ATG13: variants seen among roughly 807,000 people sequenced by gnomAD.
ATG13 encodes the protein autophagy related 13.
In ATG13, 23 loss-of-function variants were observed where a neutral mutation model predicts 65.5. The observed-to-expected ratio is 0.35, with a 90% CI of 0.25 to 0.50. ATG13 has a LOEUF of 0.50. ATG13 is among the 20% of genes least tolerant of loss of function. ATG13 has a pLI of 0.98. For missense variants in ATG13, 566 were observed against 677.0 expected, an observed-to-expected ratio of 0.84 and a Z score of 1.82; for synonymous variants, 252 against 245.2, an observed-to-expected ratio of 1.03 and a Z score of -0.26.
chr11:46,645,340 C>T lies in ATG13; in HGVS notation c.71C>T (p.Thr24Ile). The T allele has an allele frequency of 1.2e-6, 2 of 1,608,858 alleles. No homozygotes were observed. Among genetic ancestry groups the T allele is most frequent in the Non-Finnish European group, 1.7e-6 (2 of 1,177,886 alleles). The change falls in exon 4 of 19, where the codon ACT (threonine) becomes ATT (isoleucine). Residue 24 changes from threonine (T) to isoleucine (I), a missense_variant and splice_region_variant. Physicochemically the swap from Thr to Ile is moderately conservative, Grantham distance 89. Transcript: ENST00000683050. ...DKFIKFFALKTVQVIVQARLG... is the reference protein window; with the variant it reads ...DKFIKFFALKIVQVIVQARLG... ...CTTTTGTGTTTTTTTTTTCTTTAGA[C>T]TGTCCAAGTGATTGTCCAGGCTCGG...
chr11:46,667,716 A>C, intron 14 of ATG13, 57 bp from the exon 15 acceptor site: 1 of 1,387,630 alleles, frequency 7.2e-7, no homozygotes, highest in Admixed American at 1.8e-5. Flanking sequence ...TTTATAGTGA[A>C]CTAAGTCGTC....
intron 1 of ATG13, chr11:46,618,439 A>G (rs1419300463): frequency 6.6e-6 from 1 of 152,262 alleles, no homozygotes; most frequent in East Asian, 1.9e-4. Flanking sequence ...TTTTCCAGTG[A>G]GTTCCCAGTT....
chr11:46,649,998 G>A (rs1397482716), intron 6 of ATG13, among the ~76,000 whole-genome samples, 179 bp from the exon 7 acceptor site: 1 of 152,184 alleles, frequency 6.6e-6, no homozygotes, highest in African/African-American at 2.4e-5. Flanking sequence ...GCCTTTTGGT[G>A]CTCATTTGCC....
chr11:46,647,149 T>A (rs1265959484), intron 5 of ATG13, among the ~76,000 whole-genome samples: 1 of 152,206 alleles, frequency 6.6e-6, no homozygotes, highest in Non-Finnish European at 1.5e-5. Flanking sequence ...TCTAGAAACT[T>A]TCCCCCTTTT....
intron 11 of ATG13, among the ~76,000 whole-genome samples, chr11:46,660,849 T>C (rs192877541): frequency 3.9e-4 from 59 of 151,278 alleles, no homozygotes; most frequent in African/African-American, 1.4e-3. Context: ...TCTGGGACTA[T>C]AGGCATATGC....
intron 7 of ATG13, among the ~76,000 whole-genome samples, chr11:46,654,398 G>A (rs919788418): frequency 2.0e-5 from 3 of 147,784 alleles, no homozygotes; most frequent in Non-Finnish European, 4.5e-5. Flanking sequence ...TGTGATCCCA[G>A]CACTTTGGGA....
chr11:46,657,406 G>A, intron 9 of ATG13, 118 bp from the exon 10 acceptor site: 1 of 1,068,528 alleles, frequency 9.4e-7, no homozygotes. Flanking sequence ...TAGGGATTGT[G>A]ATAGTTAAAG....
At chr11:46,649,373 G>A (rs146814112) in intron 6 of ATG13, among the ~76,000 whole-genome samples, 190 bp downstream of exon 6, 1 of 152,308 alleles carries the variant, frequency 6.6e-6, no homozygotes, top group Non-Finnish European at 1.5e-5. Context: ...CCTTCAGAGG[G>A]AACATCAGTC....
rs1490944874 is a variant in ATG13 at position 46,672,542 on chromosome 11, C to G, written c.*210C>G. 1.4e-6 allele frequency: 2 copies of G among 1,453,080 alleles called. No individual in the cohort carries two copies. Among genetic ancestry groups the G allele is most frequent in the African/African-American group, 1.4e-5 (1 of 70,964 alleles). The allele number at this position is 1,453,080 out of a possible 1,614,324, so 90.0% of individuals were successfully genotyped here. On this transcript the variant is annotated 3_prime_UTR_variant, in exon 19 of 19. Transcript: ENST00000683050. ...GCCCAGTGCCCAGTTGGAGAAGACT[C>G]ACGTGCTGGCCTTGGAGATGGGAAG...
Position 46,672,391 on chromosome 11 carries a change from C to G in ATG13, c.*59C>G. The stretch of plus-strand genomic sequence containing the variant: ...TGTGGCCCCAGGGCATAAGCAGCCT[C>G]CCATGCATCAGCTGCTCCCACCCCT... On this transcript the variant is annotated 3_prime_UTR_variant, in exon 19 of 19. Coordinates refer to ENST00000683050, the MANE Select transcript of ATG13 (RefSeq NM_001346311.2). 1 of 1,613,014 alleles carries G rather than the reference C, an allele frequency of 6.2e-7. No individual in the cohort carries two copies.
chr11:46,672,250 T>A lies in ATG13; in HGVS notation c.1576-5T>A. ...AAACGGCTCTTCCCTCTCTTTCCGGTACAGGACTCATTACCAGAGAAGCTG... is the reference window on the plus strand; with the variant it reads ...AAACGGCTCTTCCCTCTCTTTCCGGAACAGGACTCATTACCAGAGAAGCTG... On this transcript the variant is annotated splice_region_variant and splice_polypyrimidine_tract_variant and intron_variant, in intron 18 of 18. Transcript: ENST00000683050. 1 of 1,614,082 alleles carries A rather than the reference T, an allele frequency of 6.2e-7. No homozygotes were observed. Among genetic ancestry groups the A allele is most frequent in the Non-Finnish European group, 8.5e-7 (1 of 1,179,954 alleles).
chr11:46,633,294 T>G (rs1210322104), intron 2 of ATG13, among the ~76,000 whole-genome samples: 3 of 151,462 alleles, frequency 2.0e-5, no homozygotes, highest in Non-Finnish European at 4.4e-5. Flanking sequence ...GTGCTGGGAT[T>G]ACAAGCGTGA....
Position 46,671,114 on chromosome 11 carries a change from G to A in ATG13, c.1576-1141G>A, listed in dbSNP as rs183510211. On this transcript the variant is annotated intron_variant, in intron 18 of 18. Transcript: ENST00000683050. ...AATTCTCTCAACTGATGCCACAGCC[G>A]TAGCCAGTTCTGAGGCCTCCCTCTC... Among the ~76,000 whole-genome samples the A allele has an allele frequency of 5.9e-5, 9 of 152,246 alleles. No homozygotes were observed. The East Asian group carries it at 1.5e-3, about 26-fold the overall frequency.
At chr11:46,654,310 TG>T (rs1565550750) in intron 7 of ATG13, among the ~76,000 whole-genome samples, 1 of 144,412 alleles carries the variant, frequency 6.9e-6, no homozygotes, top group African/African-American at 2.6e-5. Context: ...TATATATATA[TG>T]TAAAAGAGAG....
At chr11:46,654,935 C>G (rs1030534540) in intron 7 of ATG13, among the ~76,000 whole-genome samples, 5 of 150,756 alleles carry the variant, frequency 3.3e-5, no homozygotes, top group African/African-American at 1.2e-4. Flanking sequence ...CCTGTCTCTA[C>G]CAAAAATACA....
intron 4 of ATG13, among the ~76,000 whole-genome samples, 172 bp from the exon 5 acceptor site, chr11:46,645,698 A>G (rs2057342789): frequency 6.6e-6 from 1 of 152,202 alleles, no homozygotes; most frequent in African/African-American, 2.4e-5. Flanking sequence ...ACCTTTTTCA[A>G]CTTGAGATTT....
At chr11:46,626,323 T>C (rs1319884910) in intron 1 of ATG13, among the ~76,000 whole-genome samples, 1 of 152,066 alleles carries the variant, frequency 6.6e-6, no homozygotes, top group Non-Finnish European at 1.5e-5. Flanking sequence ...CAACCTCAGC[T>C]CACTGCAGCC....
At chr11:46,651,982 C>T (rs1388884303) in intron 7 of ATG13, among the ~76,000 whole-genome samples, 2 of 152,054 alleles carry the variant, frequency 1.3e-5, no homozygotes, top group Non-Finnish European at 2.9e-5. Flanking sequence ...AGGGGCCGGA[C>T]GCACGGCTGT....
At chr11:46,645,629 A>G (rs1472557628) in intron 4 of ATG13, among the ~76,000 whole-genome samples, 3 of 152,226 alleles carry the variant, frequency 2.0e-5, no homozygotes, top group African/African-American at 7.2e-5. Context: ...GTGATAGATG[A>G]AAAGCTTAGT....
Sources: gnomAD v4.1 joint callset for allele counts (sites outside exome capture counted in the v4.1 genomes callset) on GRCh38, gnomAD v4.1.1 for gene constraint, MANE v1.5 for transcripts, NCBI Gene and HGNC (gene_info 2026-07-23, HGNC 2026-07-21) for gene names.